NKAIN2: variants seen among roughly 807,000 people sequenced by gnomAD.
The protein encoded by NKAIN2 is sodium/potassium-transporting ATPase subunit beta-1-interacting protein 2.
Under a neutral mutation model 32.6 loss-of-function variants are expected in NKAIN2, and 14 were observed. The ratio of observed to expected loss-of-function variants is 0.43; its 90% CI spans 0.28 to 0.67. NKAIN2 has a LOEUF of 0.67. Among genes scored for constraint, NKAIN2 ranks in the 30% least tolerant of loss-of-function variants. The pLI, the probability that NKAIN2 is intolerant of heterozygous loss-of-function variation, is 0.17. For missense variants in NKAIN2, 198 were observed against 258.3 expected (o/e 0.77, Z 1.60); for synonymous variants, 80 against 87.2 (o/e 0.92, Z 0.46).
intron 3 of NKAIN2, among the ~76,000 whole-genome samples, chr6:124,427,510 G>A (rs894489644): frequency 2.0e-5 from 3 of 152,140 alleles, no homozygotes; most frequent in Non-Finnish European, 4.4e-5. Context: ...TTTGTAAAAT[G>A]TAAAACAGCT....
At chr6:124,443,651 G>C (rs906542570) in intron 3 of NKAIN2, among the ~76,000 whole-genome samples, 5 of 152,032 alleles carry the variant, frequency 3.3e-5, no homozygotes, top group Non-Finnish European at 2.9e-5. Flanking sequence ...TACAGGGTGA[G>C]ATACTGATTT....
chr6:123,881,147 G>A (rs1459743091), intron 1 of NKAIN2, among the ~76,000 whole-genome samples: 2 of 152,086 alleles, frequency 1.3e-5, no homozygotes, highest in Admixed American at 6.5e-5. Flanking sequence ...TCAGCCTCCC[G>A]AGTAGCTAGG....
intron 1 of NKAIN2, among the ~76,000 whole-genome samples, chr6:123,869,800 A>C (rs1582684757): frequency 6.6e-6 from 1 of 152,318 alleles, no homozygotes; most frequent in East Asian, 1.9e-4. Context: ...AGTAAAAGTA[A>C]ATACTTTAAA....
intron 3 of NKAIN2, among the ~76,000 whole-genome samples, chr6:124,420,709 G>T (rs2114531884): frequency 6.6e-6 from 1 of 152,106 alleles, no homozygotes; most frequent in South Asian, 2.1e-4. Context: ...GCTTTGCGGG[G>T]TCACATCAAA....
At chr6:124,817,271 T>A (rs1419537749) in intron 5 of NKAIN2, among the ~76,000 whole-genome samples, 1 of 152,110 alleles carries the variant, frequency 6.6e-6, no homozygotes, top group East Asian at 1.9e-4. Context: ...CCAGCTATCG[T>A]TAGTATCAGT....
intron 1 of NKAIN2, among the ~76,000 whole-genome samples, chr6:124,265,626 A>T (rs1362086542): frequency 2.0e-5 from 3 of 152,228 alleles, no homozygotes; most frequent in Non-Finnish European, 4.4e-5. Context: ...CACCAGTGCA[A>T]GTAATTAGTA....
chr6:123,891,742 T>C lies in NKAIN2; in HGVS notation c.54+87488T>C, dbSNP rs116689235. ...TCTATGTGTTTCTAGTCTTCATATTTATTCTCAGATTTTCTCGTCAACAAA... is the reference window on the plus strand; with the variant it reads ...TCTATGTGTTTCTAGTCTTCATATTCATTCTCAGATTTTCTCGTCAACAAA... On this transcript the variant is annotated intron_variant, in intron 1 of 6. Coordinates refer to ENST00000368417, the MANE Select transcript of NKAIN2 (RefSeq NM_001040214.3). 3.0e-3 allele frequency among the ~76,000 whole-genome samples: 458 copies of C among 152,344 alleles called. 3 individuals are homozygous for C. Among genetic ancestry groups the C allele is most frequent in the African/African-American group, 0.01 (436 of 41,586 alleles).
intron 2 of NKAIN2, among the ~76,000 whole-genome samples, chr6:124,346,126 C>T (rs1281735348): frequency 6.6e-6 from 1 of 152,064 alleles, no homozygotes; most frequent in African/African-American, 2.4e-5. Flanking sequence ...TGTTCAGTTT[C>T]CATGTAGTTG....
intron 3 of NKAIN2, among the ~76,000 whole-genome samples, chr6:124,402,106 G>A (rs912530103): frequency 7.2e-5 from 11 of 152,028 alleles, no homozygotes; most frequent in African/African-American, 1.2e-4. Flanking sequence ...CTAACATTTC[G>A]TGTGTAGAGA....
intron 3 of NKAIN2, among the ~76,000 whole-genome samples, chr6:124,429,078 C>A (rs1378464841): frequency 6.6e-6 from 1 of 152,130 alleles, no homozygotes; most frequent in African/African-American, 2.4e-5. Flanking sequence ...TCACTCGTTA[C>A]CCAGGCTGGA....
chr6:124,655,788 T>C (rs1455943028), intron 3 of NKAIN2, among the ~76,000 whole-genome samples: 1 of 152,164 alleles, frequency 6.6e-6, no homozygotes, highest in Non-Finnish European at 1.5e-5. Context: ...TATGATAAAT[T>C]TTGCTTCAAC....
At chr6:124,182,497 CACA>C (rs765006610) in intron 1 of NKAIN2, among the ~76,000 whole-genome samples, 20 of 152,120 alleles carry the variant, frequency 1.3e-4, no homozygotes, top group Non-Finnish European at 2.1e-4. Flanking sequence ...ATATTTTAAA[CACA>C]ACAAGTCCTC....
chr6:124,151,190 A>G (rs1265137559), intron 1 of NKAIN2, among the ~76,000 whole-genome samples: 1 of 151,972 alleles, frequency 6.6e-6, no homozygotes, highest in Non-Finnish European at 1.5e-5. Context: ...TTTATCATCT[A>G]GTATAACAAA....
At chr6:124,716,517 A>G (rs1247129962) in intron 4 of NKAIN2, among the ~76,000 whole-genome samples, 2 of 152,180 alleles carry the variant, frequency 1.3e-5, no homozygotes, top group Non-Finnish European at 2.9e-5. Flanking sequence ...ACAACAATCA[A>G]CATGAGTTTC....
intron 3 of NKAIN2, among the ~76,000 whole-genome samples, chr6:124,404,226 T>C (rs1241604162): frequency 6.6e-6 from 1 of 152,082 alleles, no homozygotes; most frequent in Non-Finnish European, 1.5e-5. Context: ...GTGGAGATGA[T>C]TGGAAGATAG....
intron 1 of NKAIN2, among the ~76,000 whole-genome samples, chr6:124,234,851 C>T (rs1191681534): frequency 4.6e-5 from 7 of 152,080 alleles, no homozygotes; most frequent in African/African-American, 1.7e-4. Context: ...GCGAAGTTTT[C>T]CTCCCAAGTG....
At chr6:124,426,367 AAAG>A (rs1774981999) in intron 3 of NKAIN2, among the ~76,000 whole-genome samples, 1 of 152,204 alleles carries the variant, frequency 6.6e-6, no homozygotes, top group South Asian at 2.1e-4. Context: ...CTGTTCTTCA[AAAG>A]AAACTATTAA....
intron 1 of NKAIN2, among the ~76,000 whole-genome samples, chr6:124,214,359 T>G (rs1475124784): frequency 6.6e-6 from 1 of 152,206 alleles, no homozygotes; most frequent in Non-Finnish European, 1.5e-5. Flanking sequence ...TACTTGCATT[T>G]TAATAAAATT....
intron 3 of NKAIN2, among the ~76,000 whole-genome samples, chr6:124,364,544 A>G (rs1235850198): frequency 2.6e-5 from 4 of 152,058 alleles, no homozygotes; most frequent in Non-Finnish European, 5.9e-5. Flanking sequence ...AGGAACAGCA[A>G]AAAGACTGAC....
Sources: allele counts gnomAD v4.1 joint callset (sites outside exome capture counted in the v4.1 genomes callset), GRCh38; gene constraint gnomAD v4.1.1; transcripts MANE v1.5; gene names NCBI Gene and HGNC (gene_info 2026-07-23, HGNC 2026-07-21).